Variants in C12orf42 observed in about 807,000 individuals in gnomAD.
The protein encoded by C12orf42 is chromosome 12 open reading frame 42.
A neutral mutation model predicts 21.6 loss-of-function variants in C12orf42; 25 were observed. The ratio of observed to expected loss-of-function variants is 1.16; its 90% confidence interval spans 0.84 to 1.62. The LOEUF (loss-of-function observed/expected upper bound fraction) is 1.62. Ranked by LOEUF, C12orf42 falls within the 40% of genes most tolerant of loss-of-function variation. The pLI, the probability that C12orf42 is intolerant of heterozygous loss-of-function variation, is 0.00. For missense variants in C12orf42, 483 were observed against 459.3 expected (o/e 1.05, Z -0.47); for synonymous variants, 174 against 175.0 (o/e 0.99, Z 0.05).
chr12:103,358,151 A>G (rs912865073), intron 4 of C12orf42, among the ~76,000 whole-genome samples: 7 of 152,226 alleles, frequency 4.6e-5, no homozygotes, highest in South Asian at 4.1e-4. Flanking sequence ...GCAAACCCCA[A>G]TACTTTTAAA....
chr12:103,201,214 C>T, the C12orf42 span, among the ~76,000 whole-genome samples: 1 of 152,148 alleles, frequency 6.6e-6, no homozygotes, highest in African/African-American at 2.4e-5. Flanking sequence ...TTTGGTGCAT[C>T]TCATTGATTT....
the C12orf42 span, among the ~76,000 whole-genome samples, chr12:103,095,100 T>A: frequency 6.6e-6 from 1 of 152,178 alleles, no homozygotes; most frequent in Non-Finnish European, 1.5e-5. Context: ...CTACTCTGTT[T>A]TAAGCTGCCA....
At chr12:103,250,814 C>T (rs2034261017) in intron 10 of C12orf42, among the ~76,000 whole-genome samples, 1 of 152,032 alleles carries the variant, frequency 6.6e-6, no homozygotes, top group Non-Finnish European at 1.5e-5. Context: ...TTCCCTCCCA[C>T]CTGTTCCCTT....
chr12:103,359,760 C>A (rs570121167), intron 4 of C12orf42, among the ~76,000 whole-genome samples: 14 of 151,946 alleles, frequency 9.2e-5, no homozygotes, highest in African/African-American at 3.4e-4. Flanking sequence ...TGTTGCCTTC[C>A]TCAAAAGGCA....
At chr12:103,530,778 C>T in the C12orf42 span, among the ~76,000 whole-genome samples, 1 of 152,102 alleles carries the variant, frequency 6.6e-6, no homozygotes, top group African/African-American at 2.4e-5. Context: ...GGTTCAAATG[C>T]TCTATTTTCA....
chr12:103,095,276 G>A, the C12orf42 span, among the ~76,000 whole-genome samples: 1 of 152,156 alleles, frequency 6.6e-6, no homozygotes, highest in Non-Finnish European at 1.5e-5. Context: ...AAAGTCTAGT[G>A]CTCTTATACT....
intron 2 of C12orf42, among the ~76,000 whole-genome samples, chr12:103,436,085 G>A (rs202084518): frequency 0.18 from 28,004 of 152,032 alleles, 2,808 homozygotes; most frequent in African/African-American, 0.27. Context: ...GAAGAGAGTG[G>A]TGGCAATTAT....
At chr12:103,556,835 T>A in the C12orf42 span, among the ~76,000 whole-genome samples, 1 of 151,142 alleles carries the variant, frequency 6.6e-6, no homozygotes, top group Non-Finnish European at 1.5e-5. Flanking sequence ...GGGTCCTCAG[T>A]CCAATGGTAA....
At chr12:103,357,563 A>T (rs905399223) in intron 4 of C12orf42, among the ~76,000 whole-genome samples, 4 of 152,010 alleles carry the variant, frequency 2.6e-5, no homozygotes, top group African/African-American at 9.7e-5. Flanking sequence ...TCCTTCTTTG[A>T]TCATTGCCAT....
the C12orf42 span, among the ~76,000 whole-genome samples, chr12:103,172,934 T>C: frequency 2.6e-5 from 4 of 152,110 alleles, no homozygotes; most frequent in African/African-American, 9.7e-5. Flanking sequence ...TTTTGTTAGT[T>C]TATATTGCCC....
chr12:103,417,713 T>C (rs965000027), intron 2 of C12orf42, among the ~76,000 whole-genome samples: 2 of 152,224 alleles, frequency 1.3e-5, no homozygotes, highest in South Asian at 2.1e-4. Flanking sequence ...TGGAAAGTTA[T>C]ACTGGGTAGA....
At position 103,256,105 on chromosome 12, in the gene C12orf42, TATATATACACACACACAC is replaced by T. The variant is rs1165127772; in HGVS notation, c.*1366+7203_*1366+7220del. ...AAAAAAATATATATATATATATATA[TATATATACACACACACAC>T]ACACACACACACACACACACACGTA... On this transcript the variant is annotated intron_variant and NMD_transcript_variant, in intron 10 of 10. Transcript: ENST00000547347. Among the ~76,000 whole-genome samples, 9 of 37,848 alleles carry T rather than the reference TATATATACACACACACAC, an allele frequency of 2.4e-4. No homozygotes were observed. In the East Asian group the frequency reaches 3.3e-3, roughly 14 times the overall value. 24.8% of individuals were successfully genotyped at this position (37,848 alleles called of 152,430 possible). A position where few individuals can be genotyped will look rare whatever the true frequency, so the allele number is the denominator to read the frequency against.
Position 103,270,508 on chromosome 12 carries a change from ATATT to A in C12orf42, n.399-659_399-656del, listed in dbSNP as rs983051626. Among the ~76,000 whole-genome samples, 23 of 151,010 alleles carry A rather than the reference ATATT, an allele frequency of 1.5e-4. No individual in the cohort carries two copies. The South Asian group carries it at 4.2e-3, about 27-fold the overall frequency. ...TTTATTATTGATTTTTTTCCCAAAG[ATATT>A]TATTTTTATTTTTATTTTTATTTTT... On this transcript the variant is annotated intron_variant and non_coding_transcript_variant, in intron 5 of 6. Transcript: ENST00000546526.
the C12orf42 span, among the ~76,000 whole-genome samples, chr12:103,050,483 C>A: frequency 1.1e-4 from 17 of 152,154 alleles, no homozygotes; most frequent in African/African-American, 4.1e-4. Flanking sequence ...GGCTAGACAT[C>A]CAGATGACCA....
At chr12:103,492,793 A>G (rs1466988277) in intron 1 of C12orf42, among the ~76,000 whole-genome samples, 1 of 152,090 alleles carries the variant, frequency 6.6e-6, no homozygotes, top group Non-Finnish European at 1.5e-5. Context: ...CCACCTCAAC[A>G]ACAGTTCAAA....
chr12:103,190,872 A>T, the C12orf42 span, among the ~76,000 whole-genome samples: 1 of 152,176 alleles, frequency 6.6e-6, no homozygotes, highest in Non-Finnish European at 1.5e-5. Context: ...AAACTTCCCA[A>T]ATATGAGGAA....
At chr12:103,190,990 G>T in the C12orf42 span, among the ~76,000 whole-genome samples, 1 of 152,086 alleles carries the variant, frequency 6.6e-6, no homozygotes, top group Non-Finnish European at 1.5e-5. Context: ...AAAGACAAAG[G>T]TAATTTTAAA....
chr12:103,161,574 T>C, the C12orf42 span: 2 of 150,870 alleles, frequency 1.3e-5, no homozygotes, highest in South Asian at 4.1e-4. Flanking sequence ...GGAACTCTTG[T>C]TTTTAGAAAA....
At chr12:103,058,143 G>A in the C12orf42 span, among the ~76,000 whole-genome samples, 1 of 151,914 alleles carries the variant, frequency 6.6e-6, no homozygotes, top group African/African-American at 2.4e-5. Context: ...TTTAGGTAGA[G>A]ATGGGGTGTC....
Sources: gnomAD v4.1 joint callset for allele counts (sites outside exome capture counted in the v4.1 genomes callset) on GRCh38, gnomAD v4.1.1 for gene constraint, MANE v1.5 for transcripts, NCBI Gene and HGNC (gene_info 2026-07-23, HGNC 2026-07-21) for gene names.